Variants in IL27RA observed in about 807,000 individuals in gnomAD.
IL27RA encodes the protein interleukin 27 receptor subunit alpha.
A neutral mutation model predicts 80.8 loss-of-function variants in IL27RA; 61 were observed. The observed-to-expected ratio is 0.76, with a 90% CI of 0.61 to 0.93. IL27RA has a LOEUF of 0.93. IL27RA is among the 40% of genes least tolerant of loss of function. IL27RA has a pLI of 0.00. For synonymous variants in IL27RA, 316 were observed against 332.5 expected (o/e 0.95, Z 0.54); for missense variants, 735 against 808.1 (o/e 0.91, Z 1.10).
At chr19:14,039,946 C>A in intron 4 of IL27RA, 36 bp downstream of exon 4, 1 of 1,600,812 alleles carries the variant, frequency 6.2e-7, no homozygotes, top group South Asian at 1.1e-5. Context: ...CACCCTATTC[C>A]GGGCGGGGAC....
At chr19:14,046,375 A>AG (rs1465126946) in intron 7 of IL27RA, 38 bp downstream of exon 7, 9 of 1,613,558 alleles carry the variant, frequency 5.6e-6, no homozygotes, top group Non-Finnish European at 7.6e-6. Flanking sequence ...GGTGCCCTGG[A>AG]GGGGTGGGAA....
At position 14,042,938 on chromosome 19, in the gene IL27RA, T is replaced by TG; in HGVS notation, c.768+151dup. ...GGGTGGATCACTTGAGGTCAGCAGT[T>TG]GGAGACCAGCCTGGCCAACATGGTG... is the stretch of plus-strand genomic sequence containing the variant. On this transcript the variant is annotated intron_variant, in intron 6 of 13. Transcript: ENST00000263379. 3 of 700,786 alleles carry TG rather than the reference T, an allele frequency of 4.3e-6. No individual in the cohort carries two copies. The South Asian group carries it at 4.9e-5, about 11-fold the overall frequency. The allele number at this position is 700,786 out of a possible 1,614,324, so 43.4% of individuals were successfully genotyped here.
At chr19:14,033,959 A>G (rs1443668754) in intron 2 of IL27RA, among the ~76,000 whole-genome samples, 1 of 152,026 alleles carries the variant, frequency 6.6e-6, no homozygotes, top group Non-Finnish European at 1.5e-5. Context: ...GCGAGACTCC[A>G]TCTCAAAAAC....
At chr19:14,040,373 A>AAT (rs1555765177) in intron 4 of IL27RA, among the ~76,000 whole-genome samples, 6 of 149,550 alleles carry the variant, frequency 4.0e-5, no homozygotes, top group African/African-American at 1.5e-4. Context: ...AAAAAAAAAA[A>AAT]TTTTTTTTCT....
chr19:14,043,412 A>G (rs1169046449), intron 6 of IL27RA, among the ~76,000 whole-genome samples: 1 of 151,698 alleles, frequency 6.6e-6, no homozygotes, highest in African/African-American at 2.4e-5. Flanking sequence ...GTGTGCTAAG[A>G]GTTTATTTAT....
intron 6 of IL27RA, 47 bp from the exon 7 acceptor site, chr19:14,046,107 G>A: frequency 6.4e-7 from 1 of 1,554,416 alleles, no homozygotes; most frequent in South Asian, 1.2e-5. Flanking sequence ...ACATATATGT[G>A]CGTGATTAAT....
chr19:14,039,595 A>C lies in IL27RA; in HGVS notation c.306A>C (p.Lys102Asn), dbSNP rs1599298729. Reference protein sequence around the residue: ...IPREQLTMSDKLLVWGTKAGQ... With the variant: ...IPREQLTMSDNLLVWGTKAGQ... ...GGGAACAGCTCACCATGTCTGACAA[A>C]CTCCTTGTCTGGGGCACTAAGGCAG... Residue 102 changes from lysine (K) to asparagine (N), a missense_variant, in exon 3 of 14, where the codon AAA becomes AAC. Coordinates refer to ENST00000263379, the MANE Select transcript of IL27RA (RefSeq NM_004843.4). The C allele has an allele frequency of 1.2e-6, 2 of 1,613,644 alleles. No homozygotes were observed. The highest frequency in any genetic ancestry group is 1.7e-6 in the Non-Finnish European group (2 of 1,179,904).
chr19:14,032,270 G>GCTCATTTCC, intron 1 of IL27RA, 116 bp from the exon 2 acceptor site: 1 of 832,240 alleles, frequency 1.2e-6, no homozygotes, highest in Non-Finnish European at 1.9e-6. Flanking sequence ...CCTTCCTGCT[G>GCTCATTTCC]CTCATTTCCC....
In IL27RA at chr19:14,041,373, AT is replaced by A. The variant is rs199917798; in HGVS notation, c.535-1072del. Among the ~76,000 whole-genome samples, 543 of 146,154 alleles carry A rather than the reference AT, an allele frequency of 3.7e-3. 4 individuals are homozygous for A. Among genetic ancestry groups the A allele is most frequent in the African/African-American group, 0.013 (526 of 39,298 alleles). On this transcript the variant is annotated intron_variant, in intron 4 of 13. Transcript: ENST00000263379. ...CCACCATGCCCAGCTAAGTTTTTGT[AT>A]TTTTTTTAATAGAGATGGGGTTTCG...
At chr19:14,032,308 A>C in intron 1 of IL27RA, 78 bp from the exon 2 acceptor site, 1 of 1,114,740 alleles carries the variant, frequency 9.0e-7, no homozygotes, top group Non-Finnish European at 1.3e-6. Context: ...CAATTGTCAG[A>C]AGTCCAAGTT....
At position 14,042,538 on chromosome 19, in the gene IL27RA, G is replaced by A. The variant is rs746410330; in HGVS notation, c.620G>A (p.Arg207His). The change falls in exon 5 of 14, where the codon CGC becomes CAC. Residue 207 changes from arginine (R) to histidine (H), a missense_variant. By Grantham distance (29) the Arg-to-His change is conservative. Transcript: ENST00000263379. ...ELATGYKVYG[R>H]CRMEKEEDLW... ...GCCACTGGCTACAAAGTGTATGGCCGCTGCCGGATGGAGAAAGAAGAGGAT... is the reference window on the plus strand; with the variant it reads ...GCCACTGGCTACAAAGTGTATGGCCACTGCCGGATGGAGAAAGAAGAGGAT... 6.2e-6 allele frequency: 10 copies of A among 1,614,058 alleles called. No individual in the cohort carries two copies. The African/African-American group carries it at 9.3e-5, about 15-fold the overall frequency.
chr19:14,039,899 G>T lies in IL27RA; in HGVS notation c.523G>T (p.Ala175Ser), dbSNP rs763916613. 1.1e-4 allele frequency: 180 copies of T among 1,613,918 alleles called. No individual in the cohort carries two copies. Among genetic ancestry groups the T allele is most frequent in the Non-Finnish European group, 1.5e-4 (172 of 1,180,024 alleles). The change falls in exon 4 of 14, where the codon GCC becomes TCC. Residue 175 changes from alanine (A) to serine (S), a missense_variant. Transcript: ENST00000263379. ...CCACTACCGAAGATGTCAGGAGGCGGCCTGGACCCTGGTGAGTGCTGGGGT... is the reference window on the plus strand; with the variant it reads ...CCACTACCGAAGATGTCAGGAGGCGTCCTGGACCCTGGTGAGTGCTGGGGT... ...QFHYRRCQEA[A>S]WTLLEPELKT...
intron 2 of IL27RA, among the ~76,000 whole-genome samples, chr19:14,036,124 A>AG (rs1288070051): frequency 6.6e-6 from 1 of 151,310 alleles, no homozygotes; most frequent in Non-Finnish European, 1.5e-5. Context: ...GAGGAAGAGG[A>AG]GGGAAAAAAG....
chr19:14,042,389 A>C, intron 4 of IL27RA, 64 bp from the exon 5 acceptor site: 1 of 1,506,708 alleles, frequency 6.6e-7, no homozygotes, highest in Admixed American at 2.1e-5. Flanking sequence ...AAAAAAAAAA[A>C]GATAAGTTCA....
At position 14,042,698 on chromosome 19, in the gene IL27RA, T is replaced by C; in HGVS notation, c.695-18T>C. The C allele has an allele frequency of 6.2e-7, 1 of 1,614,146 alleles. No homozygotes were observed. Among genetic ancestry groups the C allele is most frequent in the Non-Finnish European group, 8.5e-7 (1 of 1,179,998 alleles). On this transcript the variant is annotated intron_variant, in intron 5 of 13. Coordinates refer to ENST00000263379, the MANE Select transcript of IL27RA (RefSeq NM_004843.4). ...TCATGTCCCACTCATTTGTTCCCCGTTTCCTCATCCTTGCCAGCTCCAAAA... is the reference window on the plus strand; with the variant it reads ...TCATGTCCCACTCATTTGTTCCCCGCTTCCTCATCCTTGCCAGCTCCAAAA...
Position 14,051,587 on chromosome 19 carries a change from T to G in IL27RA, c.1529-20T>G, listed in dbSNP as rs372435566. 8.5e-5 allele frequency: 111 copies of G among 1,312,240 alleles called. No individual in the cohort carries two copies. Among genetic ancestry groups the G allele is most frequent in the Middle Eastern group, 1.9e-4 (1 of 5,226 alleles). 81.3% of individuals were successfully genotyped at this position (1,312,240 alleles called of 1,614,324 possible). A position where few individuals can be genotyped will look rare whatever the true frequency, so the allele number is the denominator to read the frequency against. Reference sequence around the variant, plus strand: ...AAATAAAATAAAAAATTAAGAATGATCTCTTCCCTACCCTACCAGATAACA... The same window carrying G: ...AAATAAAATAAAAAATTAAGAATGAGCTCTTCCCTACCCTACCAGATAACA... On this transcript the variant is annotated intron_variant, in intron 11 of 13. Coordinates refer to ENST00000263379, the MANE Select transcript of IL27RA (RefSeq NM_004843.4).
intron 4 of IL27RA, among the ~76,000 whole-genome samples, chr19:14,041,415 G>A (rs1234137334): frequency 6.6e-6 from 1 of 151,778 alleles, no homozygotes; most frequent in Non-Finnish European, 1.5e-5. Context: ...TGGCCAGGCT[G>A]GTCTCGAACT....
chr19:14,050,511 CA>C (rs34034204), intron 10 of IL27RA, among the ~76,000 whole-genome samples: 1,248 of 99,916 alleles, frequency 0.012, 11 homozygotes, highest in African/African-American at 0.036. Flanking sequence ...GACTTCATGT[CA>C]AAAAAAAAAA....
chr19:14,046,706 T>A, intron 8 of IL27RA, 88 bp downstream of exon 8: 1 of 1,293,362 alleles, frequency 7.7e-7, no homozygotes, highest in Non-Finnish European at 1.1e-6. Flanking sequence ...ATGATTAAAG[T>A]AGCGTGATGG....
Sources: gnomAD v4.1 joint callset for allele counts (sites outside exome capture counted in the v4.1 genomes callset) on GRCh38, gnomAD v4.1.1 for gene constraint, MANE v1.5 for transcripts, NCBI Gene and HGNC (gene_info 2026-07-23, HGNC 2026-07-21) for gene names.